The following FAM227B variants were observed in gnomAD, a reference collection of about 807,000 sequenced individuals.
The protein encoded by FAM227B is protein FAM227B.
In FAM227B, 88 loss-of-function variants were observed where a neutral mutation model predicts 73.8. That is an observed-to-expected ratio of 1.19 (90% CI 1.00 to 1.42). The LOEUF is 1.42. FAM227B is among the 40% of genes most tolerant of loss of function. The pLI is 0.00. For missense variants in FAM227B, 632 were observed against 590.9 expected (o/e 1.07, Z -0.72); for synonymous variants, 210 against 190.5 (o/e 1.10, Z -0.84).
At chr15:49,363,750 T>C (rs537785661) in intron 13 of FAM227B, among the ~76,000 whole-genome samples, 1 of 152,220 alleles carries the variant, frequency 6.6e-6, no homozygotes, top group East Asian at 1.9e-4. Flanking sequence ...TGCTGTGGGT[T>C]TGTCATAGAT....
intron 11 of FAM227B, among the ~76,000 whole-genome samples, chr15:49,470,978 T>A (rs1174039349): frequency 1.3e-5 from 2 of 152,232 alleles, no homozygotes; most frequent in Non-Finnish European, 2.9e-5. Context: ...TTGTTCCACA[T>A]CTTGTGCCTG....
chr15:49,592,270 T>A (rs2076625483), intron 3 of FAM227B, among the ~76,000 whole-genome samples: 1 of 152,240 alleles, frequency 6.6e-6, no homozygotes. Flanking sequence ...ATTTTCAGAT[T>A]TTCTGCTCTG....
intron 11 of FAM227B, among the ~76,000 whole-genome samples, chr15:49,502,714 G>A (rs758849251): frequency 3.3e-5 from 5 of 152,132 alleles, no homozygotes; most frequent in Admixed American, 6.5e-5. Context: ...ATTGTATTTT[G>A]CAATGTGAGA....
chr15:49,401,745 G>A (rs1382591088), intron 11 of FAM227B, among the ~76,000 whole-genome samples: 4 of 133,098 alleles, frequency 3.0e-5, no homozygotes, highest in African/African-American at 8.2e-5. Context: ...GTAAACTATC[G>A]CAAGAACAAA....
At chr15:49,361,209 T>A (rs2044173123) in intron 13 of FAM227B, among the ~76,000 whole-genome samples, 1 of 152,202 alleles carries the variant, frequency 6.6e-6, no homozygotes, top group Non-Finnish European at 1.5e-5. Flanking sequence ...AAAATTAATT[T>A]AAAAAACTTA....
intron 11 of FAM227B, chr15:49,395,833 A>C: frequency 2.4e-6 from 1 of 417,204 alleles, no homozygotes; most frequent in Non-Finnish European, 4.7e-6. Context: ...TTAAAGAGTT[A>C]AACTCAACAC....
At chr15:49,384,537 C>T (rs1199116999) in intron 11 of FAM227B, among the ~76,000 whole-genome samples, 11 of 151,930 alleles carry the variant, frequency 7.2e-5, no homozygotes, top group Non-Finnish European at 1.2e-4. Context: ...AGGAACACAG[C>T]GATCCTCTTA....
At chr15:49,425,216 T>C (rs1732169793) in intron 11 of FAM227B, 1 of 151,926 alleles carries the variant, frequency 6.6e-6, no homozygotes, top group Admixed American at 6.6e-5. Flanking sequence ...ACTAAATCTT[T>C]TATGTCATAA....
chr15:49,330,738 T>C (rs965509541), intron 15 of FAM227B: 1 of 141,862 alleles, frequency 7.0e-6, no homozygotes, highest in Non-Finnish European at 1.5e-5. Context: ...GTAGGGAAGA[T>C]AGACCAAAAA....
intron 11 of FAM227B, among the ~76,000 whole-genome samples, chr15:49,371,697 T>A (rs1033147893): frequency 3.3e-5 from 5 of 150,422 alleles, no homozygotes; most frequent in South Asian, 2.1e-4. Flanking sequence ...AAAATTCACT[T>A]ATAAATAAAT....
chr15:49,359,432 A>G (rs1337853403), intron 13 of FAM227B, among the ~76,000 whole-genome samples: 1 of 120,044 alleles, frequency 8.3e-6, no homozygotes, highest in African/African-American at 3.2e-5. Context: ...GGCGAAGGAC[A>G]TGAACAGACA....
At chr15:49,360,935 G>A (rs567145229) in intron 13 of FAM227B, among the ~76,000 whole-genome samples, 7 of 152,072 alleles carry the variant, frequency 4.6e-5, no homozygotes, top group Non-Finnish European at 8.8e-5. Context: ...GTGTTTACAT[G>A]TGAATCCTTA....
intron 3 of FAM227B, among the ~76,000 whole-genome samples, chr15:49,598,773 C>T (rs1006390444): frequency 3.3e-5 from 5 of 152,070 alleles, no homozygotes; most frequent in Non-Finnish European, 5.9e-5. Context: ...TATGTTGAAA[C>T]GTCCTTGCAT....
intron 11 of FAM227B, among the ~76,000 whole-genome samples, chr15:49,388,236 A>G (rs1371593328): frequency 6.6e-6 from 1 of 151,988 alleles, no homozygotes; most frequent in Non-Finnish European, 1.5e-5. Flanking sequence ...AAATTATACT[A>G]TAAGCCTGCA....
intron 12 of FAM227B, 25 bp from the exon 13 acceptor site, chr15:49,367,633 G>C (rs778236216): frequency 2.6e-6 from 4 of 1,529,406 alleles, no homozygotes; most frequent in Non-Finnish European, 3.5e-6. Context: ...AAATAATCAA[G>C]ACAACGATTA....
intron 9 of FAM227B, among the ~76,000 whole-genome samples, chr15:49,548,848 A>G (rs1216306065): frequency 6.6e-6 from 1 of 152,198 alleles, no homozygotes. Flanking sequence ...GACTTTCTGC[A>G]GTATCAGTTG....
chr15:49,564,174 T>C (rs1441342499), intron 9 of FAM227B, among the ~76,000 whole-genome samples: 1 of 152,048 alleles, frequency 6.6e-6, no homozygotes, highest in African/African-American at 2.4e-5. Flanking sequence ...AAAATGTGGA[T>C]AAAGGAAAAG....
At chr15:49,430,077 A>AAG (rs1025727380) in intron 11 of FAM227B, among the ~76,000 whole-genome samples, 23 of 151,894 alleles carry the variant, frequency 1.5e-4, no homozygotes, top group African/African-American at 5.6e-4. Flanking sequence ...ATTATGCACC[A>AAG]AGAGGGTTCT....
chr15:49,572,100 T>C (rs1485179117), intron 8 of FAM227B, among the ~76,000 whole-genome samples: 1 of 152,086 alleles, frequency 6.6e-6, no homozygotes, highest in Non-Finnish European at 1.5e-5. Flanking sequence ...TTTTACTTTT[T>C]GTTATTACTA....
Sources: allele counts gnomAD v4.1 joint callset (sites outside exome capture counted in the v4.1 genomes callset), GRCh38; gene constraint gnomAD v4.1.1; transcripts MANE v1.5; gene names NCBI Gene and HGNC (gene_info 2026-07-23, HGNC 2026-07-21).